The following RAI14 variants were observed in gnomAD, a reference collection of about 807,000 sequenced individuals.
The protein encoded by RAI14 is ankycorbin.
Under a neutral mutation model 115.4 loss-of-function variants are expected in RAI14, and 45 were observed. That is an observed-to-expected ratio of 0.39 (90% CI 0.31 to 0.50). The LOEUF (loss-of-function observed/expected upper bound fraction) is 0.50, where lower values mean the gene tolerates loss of function less well. Among genes scored for constraint, RAI14 ranks in the 20% least tolerant of loss-of-function variants. The pLI is 0.85. For synonymous variants in RAI14, 371 were observed against 415.4 expected (o/e 0.89, Z 1.30); for missense variants, 939 against 1,131.2 (o/e 0.83, Z 2.44).
intron 2 of RAI14, among the ~76,000 whole-genome samples, chr5:34,696,220 C>A (rs1394953731): frequency 6.6e-6 from 1 of 152,032 alleles, no homozygotes; most frequent in Admixed American, 6.5e-5. Flanking sequence ...CTCACTGCAA[C>A]CTCCGCCTCC....
intron 3 of RAI14, among the ~76,000 whole-genome samples, chr5:34,758,819 A>G (rs966495210): frequency 2.0e-5 from 3 of 152,246 alleles, no homozygotes; most frequent in Non-Finnish European, 4.4e-5. Flanking sequence ...TAGTTACAGC[A>G]GAGACTACAT....
chr5:34,685,748 A>G (rs1369043708), intron 1 of RAI14: 2 of 152,100 alleles, frequency 1.3e-5, no homozygotes, highest in Non-Finnish European at 2.9e-5. Context: ...AGCAATCTTG[A>G]CTTTTGAAGG....
At chr5:34,703,261 TCAA>T (rs1740304138) in intron 2 of RAI14, among the ~76,000 whole-genome samples, 1 of 152,196 alleles carries the variant, frequency 6.6e-6, no homozygotes, top group African/African-American at 2.4e-5. Context: ...ATGGTATACA[TCAA>T]CACCTCTTCT....
intron 3 of RAI14, among the ~76,000 whole-genome samples, chr5:34,767,434 G>A (rs927116946): frequency 2.0e-5 from 3 of 152,112 alleles, no homozygotes; most frequent in Non-Finnish European, 2.9e-5. Context: ...TATCACACTG[G>A]GGCTGCTGGA....
At chr5:34,734,662 ATTCT>A (rs1229508740) in intron 2 of RAI14, among the ~76,000 whole-genome samples, 3 of 151,542 alleles carry the variant, frequency 2.0e-5, no homozygotes, top group South Asian at 4.2e-4. Context: ...TATCTCATTT[ATTCT>A]TTCTTTTTTT....
intron 15 of RAI14, among the ~76,000 whole-genome samples, chr5:34,825,324 C>T (rs968796186): frequency 4.6e-5 from 7 of 152,168 alleles, no homozygotes; most frequent in Non-Finnish European, 1.0e-4. Flanking sequence ...TCTCCTTATA[C>T]TAAAGCATTT....
At chr5:34,663,940 G>T (rs991040987) in intron 1 of RAI14, among the ~76,000 whole-genome samples, 5 of 152,112 alleles carry the variant, frequency 3.3e-5, no homozygotes, top group African/African-American at 1.2e-4. Context: ...CCTTACTTGC[G>T]ATCTAGGCCA....
At chr5:34,755,080 TA>T (rs1422771915) in intron 2 of RAI14, among the ~76,000 whole-genome samples, 13 of 152,254 alleles carry the variant, frequency 8.5e-5, no homozygotes, top group African/African-American at 3.1e-4. Flanking sequence ...TCATTGGTCC[TA>T]AATGTTCTTC....
At chr5:34,796,415 TAG>T (rs1753548027) in intron 4 of RAI14, among the ~76,000 whole-genome samples, 2 of 149,904 alleles carry the variant, frequency 1.3e-5, no homozygotes, top group South Asian at 4.2e-4. Flanking sequence ...AAAAAAAAAT[TAG>T]AGTCTACAGA....
chr5:34,762,929 A>ATGTGTGTGTGTGTGTG (rs34495404), intron 3 of RAI14, among the ~76,000 whole-genome samples: 2 of 129,042 alleles, frequency 1.5e-5, no homozygotes, highest in Non-Finnish European at 1.7e-5. Flanking sequence ...GAGTGTGTGC[A>ATGTGTGTGTGTGTGTG]TGTGTGTGTG....
At chr5:34,738,514 T>C (rs1417610192) in intron 2 of RAI14, among the ~76,000 whole-genome samples, 1 of 152,186 alleles carries the variant, frequency 6.6e-6, no homozygotes, top group East Asian at 1.9e-4. Context: ...ACCTGTACTC[T>C]TGGCCTCCCT....
chr5:34,830,582 G>C, intron 17 of RAI14, 106 bp from the exon 18 acceptor site: 1 of 1,546,892 alleles, frequency 6.5e-7, no homozygotes, highest in Non-Finnish European at 8.7e-7. Context: ...AAAGATGTGG[G>C]AATTAGCCCA....
intron 1 of RAI14, among the ~76,000 whole-genome samples, chr5:34,678,335 T>C (rs173908): frequency 0.82 from 124,981 of 152,142 alleles, 51,665 homozygotes; most frequent in African/African-American, 0.91. Flanking sequence ...TTGTTTTACT[T>C]TTAATTGTGG....
chr5:34,764,595 C>T (rs75030449), intron 3 of RAI14, among the ~76,000 whole-genome samples: 7,563 of 151,538 alleles, frequency 0.05, 408 homozygotes, highest in African/African-American at 0.14. Context: ...TCCCTGTATA[C>T]ATGCAATATA....
chr5:34,792,235 C>CTTTTTTT (rs55986330), intron 3 of RAI14, among the ~76,000 whole-genome samples: 7 of 127,482 alleles, frequency 5.5e-5, no homozygotes, highest in Admixed American at 1.7e-4. Context: ...TTTCTTTTTT[C>CTTTTTTT]TTTTTTTTTT....
intron 4 of RAI14, among the ~76,000 whole-genome samples, chr5:34,802,046 G>GA (rs936012776): frequency 1.1e-4 from 16 of 148,032 alleles, no homozygotes; most frequent in Non-Finnish European, 1.6e-4. Flanking sequence ...CCTGGGCTCA[G>GA]AAAAAAAAAA....
intron 14 of RAI14, among the ~76,000 whole-genome samples, 190 bp downstream of exon 14, chr5:34,822,040 A>G (rs562301289): frequency 6.6e-6 from 1 of 151,294 alleles, no homozygotes; most frequent in Admixed American, 6.6e-5. Flanking sequence ...AAATTATTCA[A>G]CTGGTAAATT....
At chr5:34,693,268 T>C (rs2149902801) in intron 2 of RAI14, among the ~76,000 whole-genome samples, 1 of 152,292 alleles carries the variant, frequency 6.6e-6, no homozygotes, top group South Asian at 2.1e-4. Context: ...TGCCCTTCCA[T>C]CCTAGAACAG....
chr5:34,821,354 A>G (rs1040239342), intron 13 of RAI14, among the ~76,000 whole-genome samples: 6 of 152,192 alleles, frequency 3.9e-5, no homozygotes, highest in African/African-American at 1.2e-4. Context: ...TGGTAGGGGG[A>G]AAGAAATAAA....
Sources: allele counts gnomAD v4.1 joint callset (sites outside exome capture counted in the v4.1 genomes callset), GRCh38; gene constraint gnomAD v4.1.1; transcripts MANE v1.5; gene names NCBI Gene and HGNC (gene_info 2026-07-23, HGNC 2026-07-21).